CHD2: variants seen among roughly 807,000 people sequenced by gnomAD.
CHD2 encodes the protein chromodomain helicase DNA binding protein 2.
CHD2 carries 28 observed loss-of-function variants against 243.9 expected under a neutral mutation model. The observed-to-expected ratio is 0.11, with a 90% CI of 0.09 to 0.16. The LOEUF (loss-of-function observed/expected upper bound fraction) is 0.16, where lower values mean the gene tolerates loss of function less well. Among genes scored for constraint, CHD2 ranks in the 10% least tolerant of loss-of-function variants. The pLI is 1.00. For synonymous variants in CHD2, 775 were observed against 779.0 expected (o/e 0.99, Z 0.09); for missense variants, 1,386 against 2,209.8 (o/e 0.63, Z 7.47).
chr15:92,978,076 A>C lies in CHD2; in HGVS notation c.2578-158A>C, dbSNP rs1232554564. On this transcript the variant is annotated intron_variant, in intron 20 of 38. Transcript: ENST00000394196. Reference sequence around the variant, plus strand: ...TAATCAAATGAAAATTCATTCTACCATCAAGTCCCTGACATTCTTTTAGCC... The same window carrying C: ...TAATCAAATGAAAATTCATTCTACCCTCAAGTCCCTGACATTCTTTTAGCC... 6 of 793,372 alleles carry C rather than the reference A, an allele frequency of 7.6e-6. No homozygotes were observed. In the African/African-American group the frequency reaches 1.0e-4, roughly 14 times the overall value. 49.1% of individuals were successfully genotyped at this position (793,372 alleles called of 1,614,324 possible).
Position 92,949,028 on chromosome 15 carries a change from G to A in CHD2, c.1454G>A (p.Arg485Gln). The A allele has an allele frequency of 6.2e-7, 1 of 1,614,052 alleles. No individual in the cohort carries two copies. The highest frequency in any genetic ancestry group is 8.5e-7 in the Non-Finnish European group (1 of 1,179,960). ...AYLGGENLEL[R>Q]DYQLEGLNWL... is the part of the protein sequence containing the mutation. ...TTAGGAGGGGAGAATCTGGAACTTC[G>A]AGATTATCAGCTAGAAGGTCTAAAC... The change falls in exon 13 of 39, where the codon CGA becomes CAA. Residue 485 changes from arginine (R) to glutamine (Q), a missense_variant. By Grantham distance (43) the Arg-to-Gln change is conservative (BLOSUM62 1). This residue lies in a region of CHD2 where 14 missense variants were observed against 26.8 expected (regional missense o/e 0.52). Coordinates refer to ENST00000394196, the MANE Select transcript of CHD2 (RefSeq NM_001271.4).
intron 24 of CHD2, among the ~76,000 whole-genome samples, chr15:92,982,540 T>C (rs1274226098): frequency 6.6e-6 from 1 of 152,106 alleles, no homozygotes; most frequent in Non-Finnish European, 1.5e-5. Flanking sequence ...AAAGTCAAAA[T>C]AGCAAAGGTT....
At chr15:92,913,649 C>T (rs1392144944) in intron 2 of CHD2, among the ~76,000 whole-genome samples, 2 of 152,094 alleles carry the variant, frequency 1.3e-5, no homozygotes, top group African/African-American at 2.4e-5. Context: ...GCTAGGAGTT[C>T]GAGACCAGCT....
chr15:92,904,545 G>T (rs1430389131), intron 2 of CHD2: 13 of 1,002,744 alleles, frequency 1.3e-5, no homozygotes, highest in African/African-American at 1.7e-5. Flanking sequence ...TTCTTTCCTG[G>T]ACGCGTTTGC....
chr15:92,941,786 T>G, intron 7 of CHD2, 36 bp from the exon 8 acceptor site: 1 of 1,605,064 alleles, frequency 6.2e-7, no homozygotes, highest in Non-Finnish European at 8.5e-7. Context: ...TCTGAAGAGA[T>G]CATTTCTCAT....
At chr15:92,948,068 G>A (rs746520275) in intron 12 of CHD2, among the ~76,000 whole-genome samples, 57 of 152,148 alleles carry the variant, frequency 3.7e-4, no homozygotes, top group African/African-American at 1.3e-3. Context: ...TTCCTAAACT[G>A]ATTTGGCCAC....
chr15:92,932,925 T>C (rs1460481710), intron 5 of CHD2, among the ~76,000 whole-genome samples: 1 of 152,104 alleles, frequency 6.6e-6, no homozygotes, highest in Non-Finnish European at 1.5e-5. Context: ...GTATTTTTAA[T>C]AGACATGGGG....
chr15:92,909,815 C>T (rs2052695143), intron 2 of CHD2, among the ~76,000 whole-genome samples: 1 of 152,026 alleles, frequency 6.6e-6, no homozygotes, highest in South Asian at 2.1e-4. Flanking sequence ...CCGTACCTGG[C>T]CTTCACTTTG....
intron 37 of CHD2, among the ~76,000 whole-genome samples, chr15:93,019,347 CTGCCACAGA>C (rs2054502412): frequency 6.6e-6 from 1 of 152,184 alleles, no homozygotes; most frequent in Non-Finnish European, 1.5e-5. Context: ...TGTTAAGAGT[CTGCCACAGA>C]TTGGAAGGTT....
At chr15:92,973,726 C>G (rs1214756051) in intron 19 of CHD2, among the ~76,000 whole-genome samples, 1 of 152,122 alleles carries the variant, frequency 6.6e-6, no homozygotes. Context: ...CTAGGAAATC[C>G]CGTGATACCA....
rs200781322 is a variant in CHD2, at chr15:93,000,532, G to A, written c.4029G>A (p.Lys1343=). Residue 1343 remains lysine (K), a synonymous_variant, in exon 32 of 39, where the codon AAG becomes AAA. Coordinates refer to ENST00000394196, the MANE Select transcript of CHD2 (RefSeq NM_001271.4). The part of the protein sequence containing the change: ...GGEEAKLKKR[K]PRVKKENKVP... ...TCCAGGCCAAATTAAAGAAGCGGAA[G>A]CCTCGGGTAAAGAAGGAAAACAAAG... 1.9e-5 allele frequency: 30 copies of A among 1,611,660 alleles called. No individual in the cohort carries two copies. The highest frequency in any genetic ancestry group is 1.8e-5 in the Non-Finnish European group (21 of 1,178,854).
intron 26 of CHD2, among the ~76,000 whole-genome samples, chr15:92,990,772 T>A (rs544847120): frequency 9.3e-4 from 141 of 152,338 alleles, no homozygotes; most frequent in African/African-American, 3.3e-3. Flanking sequence ...TATTACATGA[T>A]GCCCTTAATG....
chr15:92,914,497 C>G (rs910523093), intron 2 of CHD2, among the ~76,000 whole-genome samples: 2 of 152,152 alleles, frequency 1.3e-5, no homozygotes, highest in Non-Finnish European at 2.9e-5. Flanking sequence ...TATTGGGGAG[C>G]AGAAGTAGTA....
In CHD2 at chr15:93,000,553, C is replaced by G. The variant is rs1244901197; in HGVS notation, c.4050C>G (p.Asn1350Lys). The change falls in exon 32 of 39, where the codon AAC becomes AAG. Residue 1350 changes from asparagine (N) to lysine (K), a missense_variant. Physicochemically the swap from Asn to Lys is moderately conservative, Grantham distance 94. Transcript: ENST00000394196. Reference sequence around the variant, plus strand: ...GGAAGCCTCGGGTAAAGAAGGAAAACAAAGTGCCCAGGCTGAAAGAGGAGC... The same window carrying G: ...GGAAGCCTCGGGTAAAGAAGGAAAAGAAAGTGCCCAGGCTGAAAGAGGAGC... ...KKRKPRVKKE[N>K]KVPRLKEEHG... 1 of 1,613,434 alleles carries G rather than the reference C, an allele frequency of 6.2e-7. No homozygotes were observed. The highest frequency in any genetic ancestry group is 1.3e-5 in the African/African-American group (1 of 75,014).
Position 93,012,327 on chromosome 15 carries a change from G to A in CHD2, c.4593-18G>A. ...TCTAATTCTATAATTCACCAGAACT[G>A]TTCATTTTTCTTTTTAGGAACCTAT... On this transcript the variant is annotated intron_variant, in intron 35 of 38. Transcript: ENST00000394196. 1.3e-6 allele frequency: 2 copies of A among 1,554,474 alleles called. No homozygotes were observed. Among genetic ancestry groups the A allele is most frequent in the Non-Finnish European group, 1.8e-6 (2 of 1,139,454 alleles).
rs746146204 is a variant in CHD2, at chr15:93,024,506, G to A, written c.5288G>A (p.Arg1763His). The A allele has an allele frequency of 2.5e-6, 4 of 1,614,130 alleles. No homozygotes were observed. The highest frequency in any genetic ancestry group is 2.5e-6 in the Non-Finnish European group (3 of 1,180,032). ...GGCCAGGGACCCTCAGACCATTACC[G>A]CTCTTTCCACACAGATAAACTGGGG... Reference protein sequence around the residue: ...YHGQGPSDHYRSFHTDKLGEY... With the variant: ...YHGQGPSDHYHSFHTDKLGEY... The change falls in exon 39 of 39, where the codon CGC becomes CAC. Residue 1763 changes from arginine to histidine, a missense_variant. Around this residue, in one of 19 missense-constraint regions of CHD2, gnomAD observed 347 missense variants for 341.6 expected, o/e 1.02. Transcript: ENST00000394196.
intron 23 of CHD2, 47 bp from the exon 24 acceptor site, chr15:92,981,318 C>G (rs2053977626): frequency 7.4e-7 from 1 of 1,358,216 alleles, no homozygotes; most frequent in Admixed American, 1.7e-5. Context: ...CTAGGCAACT[C>G]ATCTGTTGCC....
intron 13 of CHD2, among the ~76,000 whole-genome samples, chr15:92,952,006 A>G (rs1157585126): frequency 2.0e-5 from 3 of 152,224 alleles, no homozygotes; most frequent in African/African-American, 7.2e-5. Context: ...GATTAAGCAC[A>G]TATTATATAT....
rs1381070830 is a variant in CHD2 at position 93,026,945 on chromosome 15, G to A, written c.*2240G>A. ...GGGCTTCTCTCTTGAGTTGCTGATA[G>A]GAGATGTGAGTTATGCCCAGAGATG... On this transcript the variant is annotated 3_prime_UTR_variant, in exon 39 of 39. Transcript: ENST00000394196. 2 of 152,650 alleles carry A rather than the reference G, an allele frequency of 1.3e-5. No homozygotes were observed. Among genetic ancestry groups the A allele is most frequent in the Non-Finnish European group, 2.9e-5 (2 of 68,034 alleles). The allele number at this position is 152,650 out of a possible 1,614,324, so 9.5% of individuals were successfully genotyped here.
Sources: allele counts gnomAD v4.1 joint callset (sites outside exome capture counted in the v4.1 genomes callset), GRCh38; gene constraint gnomAD v4.1.1; regional missense constraint gnomAD v4.1.1; transcripts MANE v1.5; gene names NCBI Gene and HGNC (gene_info 2026-07-23, HGNC 2026-07-21).